PIERCE2: variants seen among roughly 807,000 people sequenced by gnomAD.
The protein encoded by PIERCE2 is piercer of microtubule wall 2, also known as piercer of microtubule wall 2 protein.
At chr15:55,414,166 G>A in the PIERCE2 span, among the ~76,000 whole-genome samples, 5 of 151,190 alleles carry the variant, frequency 3.3e-5, no homozygotes, top group African/African-American at 1.2e-4. Flanking sequence ...CAAAGTGCTG[G>A]GATTACAAGC....
the PIERCE2 span, among the ~76,000 whole-genome samples, chr15:55,413,283 T>A: frequency 7.1e-6 from 1 of 141,366 alleles, no homozygotes; most frequent in African/African-American, 2.8e-5. Flanking sequence ...AAAAAAAAAA[T>A]TATAAAAATT....
At chr15:55,415,178 A>C in the PIERCE2 span, among the ~76,000 whole-genome samples, 2 of 151,724 alleles carry the variant, frequency 1.3e-5, no homozygotes, top group South Asian at 4.2e-4. Context: ...TTAAAGAAGG[A>C]AGGGCTTGGC....
chr15:55,413,233 A>G, the PIERCE2 span, among the ~76,000 whole-genome samples: 3 of 150,968 alleles, frequency 2.0e-5, no homozygotes. Context: ...GCGCCACTGC[A>G]CTCCGGCCTG....
the PIERCE2 span, among the ~76,000 whole-genome samples, chr15:55,412,323 C>T: frequency 6.6e-6 from 1 of 152,058 alleles, no homozygotes; most frequent in Non-Finnish European, 1.5e-5. Flanking sequence ...CCCTCTTTCG[C>T]TTATGATTCT....
At chr15:55,417,187 T>A in the PIERCE2 span, among the ~76,000 whole-genome samples, 1 of 152,150 alleles carries the variant, frequency 6.6e-6, no homozygotes, top group East Asian at 1.9e-4. Context: ...CAATAAAGAT[T>A]CAGATTTTAA....
At chr15:55,418,509 T>C in the PIERCE2 span, 2 of 1,526,676 alleles carry the variant, frequency 1.3e-6, no homozygotes, top group East Asian at 2.4e-5. Context: ...AATAACACTC[T>C]AAATACTGCA....
the PIERCE2 span, among the ~76,000 whole-genome samples, chr15:55,417,113 A>G: frequency 1.3e-5 from 2 of 152,202 alleles, no homozygotes; most frequent in African/African-American, 4.8e-5. Flanking sequence ...TAATTTTACT[A>G]GAATTATATT....
chr15:55,412,858 G>A, the PIERCE2 span, among the ~76,000 whole-genome samples: 1 of 152,122 alleles, frequency 6.6e-6, no homozygotes, highest in South Asian at 2.1e-4. Flanking sequence ...GGATTGATAT[G>A]GTAGCTTATG....
At chr15:55,411,720 G>A in the PIERCE2 span, among the ~76,000 whole-genome samples, 2 of 151,894 alleles carry the variant, frequency 1.3e-5, no homozygotes, top group Non-Finnish European at 2.9e-5. Context: ...TTGGGAGTTC[G>A]AGACCAACCT....
the PIERCE2 span, chr15:55,418,595 G>A: frequency 1.5e-6 from 2 of 1,338,912 alleles, no homozygotes; most frequent in African/African-American, 3.0e-5. Flanking sequence ...GTATATTGAA[G>A]AGAAAATATA....
chr15:55,409,027 G>A, the PIERCE2 span, among the ~76,000 whole-genome samples: 1 of 151,794 alleles, frequency 6.6e-6, no homozygotes, highest in South Asian at 2.1e-4. Context: ...ACTGTTCAGT[G>A]ATGGTTTTGA....
At chr15:55,412,666 C>T in the PIERCE2 span, among the ~76,000 whole-genome samples, 3 of 152,238 alleles carry the variant, frequency 2.0e-5, no homozygotes, top group South Asian at 6.2e-4. Context: ...CCTTGAGAAG[C>T]CAAGGCCTGA....
At chr15:55,417,577 T>A in the PIERCE2 span, 1 of 152,264 alleles carries the variant, frequency 6.6e-6, no homozygotes, top group African/African-American at 2.4e-5. Flanking sequence ...CTCTTCTAAC[T>A]ATGACTTTTA....
At chr15:55,412,053 T>G in the PIERCE2 span, among the ~76,000 whole-genome samples, 1 of 137,134 alleles carries the variant, frequency 7.3e-6, no homozygotes, top group Admixed American at 8.0e-5. Context: ...ATCACACCAT[T>G]GCACTCCAGA....
At chr15:55,416,980 C>A in the PIERCE2 span, among the ~76,000 whole-genome samples, 1 of 151,872 alleles carries the variant, frequency 6.6e-6, no homozygotes, top group African/African-American at 2.4e-5. Flanking sequence ...ACACACAAAA[C>A]AAAACAAAAC....
At chr15:55,414,895 A>G in the PIERCE2 span, among the ~76,000 whole-genome samples, 1 of 152,050 alleles carries the variant, frequency 6.6e-6, no homozygotes, top group African/African-American at 2.4e-5. Context: ...AGAAAAACAA[A>G]ACATTGATTG....
At chr15:55,417,017 A>G in the PIERCE2 span, among the ~76,000 whole-genome samples, 2 of 137,712 alleles carry the variant, frequency 1.5e-5, no homozygotes, top group South Asian at 2.5e-4. Flanking sequence ...TCTCCATGCT[A>G]CCACCTACTA....
chr15:55,409,701 A>G, the PIERCE2 span, among the ~76,000 whole-genome samples: 23 of 152,308 alleles, frequency 1.5e-4, 1 homozygote, highest in African/African-American at 5.5e-4. Flanking sequence ...TTATTAATCA[A>G]TGGCTTGTTT....
At chr15:55,415,893 T>C in the PIERCE2 span, among the ~76,000 whole-genome samples, 3 of 152,126 alleles carry the variant, frequency 2.0e-5, no homozygotes, top group Admixed American at 2.0e-4. Flanking sequence ...TCTTCTCCCT[T>C]AGTATTTTTG....
Sources: gnomAD v4.1 joint callset for allele counts (sites outside exome capture counted in the v4.1 genomes callset) on GRCh38, gnomAD v4.1.1 for gene constraint, MANE v1.5 for transcripts, NCBI Gene and HGNC (gene_info 2026-07-23, HGNC 2026-07-21) for gene names.